Variants in TMEM114 observed in about 807,000 individuals in gnomAD.
TMEM114 encodes the protein claudin-26.
In TMEM114, 6 loss-of-function variants were observed where a neutral mutation model predicts 6.2. The observed-to-expected ratio is 0.97, with a 90% CI of 0.53 to 1.91. The LOEUF (loss-of-function observed/expected upper bound fraction) is 1.91. TMEM114 is among the 40% of genes most tolerant of loss of function. The pLI, the probability that TMEM114 is intolerant of heterozygous loss-of-function variation, is 0.01. For missense variants in TMEM114, 218 were observed against 158.3 expected, an observed-to-expected ratio of 1.38 and a Z score of -2.02; for synonymous variants, 104 against 73.0, an observed-to-expected ratio of 1.42 and a Z score of -2.16.
intron 2 of TMEM114, among the ~76,000 whole-genome samples, chr16:8,559,634 C>G (rs1901135348): frequency 2.0e-5 from 3 of 152,174 alleles, no homozygotes; most frequent in Admixed American, 2.0e-4. Flanking sequence ...GCTCTGAGTA[C>G]TCTGTTAAAA....
At chr16:8,548,693 T>A (rs565190780) in intron 2 of TMEM114, among the ~76,000 whole-genome samples, 5 of 129,674 alleles carry the variant, frequency 3.9e-5, no homozygotes, top group Middle Eastern at 8.3e-3. Flanking sequence ...AAAATTGCCA[T>A]GTATATATAT....
intron 2 of TMEM114, among the ~76,000 whole-genome samples, chr16:8,562,705 T>A (rs1214696612): frequency 1.4e-5 from 2 of 147,888 alleles, no homozygotes; most frequent in Non-Finnish European, 3.0e-5. Context: ...AGTGAGTGAG[T>A]AAATGAGTGA....
intron 2 of TMEM114, among the ~76,000 whole-genome samples, chr16:8,543,572 C>A (rs1347802613): frequency 6.6e-6 from 1 of 152,140 alleles, no homozygotes; most frequent in African/African-American, 2.4e-5. Flanking sequence ...ATCTGGCCAA[C>A]CCAACTCATT....
downstream of TMEM114, among the ~76,000 whole-genome samples, chr16:8,535,000 C>T (rs1488052826): frequency 2.0e-5 from 3 of 152,192 alleles, no homozygotes; most frequent in Non-Finnish European, 4.4e-5. Context: ...GACTGACTTT[C>T]TCCTAACGTC....
chr16:8,563,684 A>C (rs963081843), intron 2 of TMEM114, among the ~76,000 whole-genome samples: 3 of 150,698 alleles, frequency 2.0e-5, no homozygotes, highest in East Asian at 1.9e-4. Flanking sequence ...TGAATGAGTA[A>C]GTGAATGAGT....
chr16:8,564,180 AGT>A (rs1219030955), intron 2 of TMEM114, among the ~76,000 whole-genome samples: 1 of 151,466 alleles, frequency 6.6e-6, no homozygotes, highest in Admixed American at 6.6e-5. Flanking sequence ...TAAATGAGTG[AGT>A]GAGTGCATGA....
chr16:8,564,557 G>GTGAA (rs1235801258), downstream of TMEM114, among the ~76,000 whole-genome samples: 79 of 138,280 alleles, frequency 5.7e-4, 13 homozygotes, highest in African/African-American at 1.9e-3. Flanking sequence ...CAGGGAATGA[G>GTGAA]TGAGTGAGTG....
chr16:8,526,926 G>T, the TMEM114 span, among the ~76,000 whole-genome samples: 1 of 152,198 alleles, frequency 6.6e-6, no homozygotes. Context: ...ATGCTGAGTA[G>T]GTGGGGCACG....
At chr16:8,553,227 A>C (rs908675489) in intron 2 of TMEM114, among the ~76,000 whole-genome samples, 3 of 152,232 alleles carry the variant, frequency 2.0e-5, no homozygotes, top group Admixed American at 1.3e-4. Context: ...TTTCCAGACC[A>C]AGAATCAAGA....
At chr16:8,568,858 T>C (rs749661826), downstream of TMEM114, among the ~76,000 whole-genome samples, 7 of 152,214 alleles carry the variant, frequency 4.6e-5, no homozygotes, top group Non-Finnish European at 8.8e-5. Flanking sequence ...GCAGGATTTT[T>C]GGAAGATACC....
intron 2 of TMEM114, among the ~76,000 whole-genome samples, chr16:8,557,776 T>A (rs1420750304): frequency 6.6e-6 from 1 of 152,218 alleles, no homozygotes; most frequent in Non-Finnish European, 1.5e-5. Flanking sequence ...GTGGGAAGAC[T>A]GAAGAAGATA....
chr16:8,530,492 G>C, the TMEM114 span, among the ~76,000 whole-genome samples: 4 of 152,176 alleles, frequency 2.6e-5, no homozygotes, highest in Admixed American at 6.5e-5. Flanking sequence ...AGCTAATGTA[G>C]CCAATGGAAA....
At chr16:8,562,644 G>C (rs111218232) in intron 2 of TMEM114, among the ~76,000 whole-genome samples, 11,935 of 147,954 alleles carry the variant, frequency 0.081, 761 homozygotes, top group Middle Eastern at 0.16. Flanking sequence ...CAGTCAGTAA[G>C]TGAATGAATG....
intron 2 of TMEM114, among the ~76,000 whole-genome samples, chr16:8,563,944 A>G (rs996410277): frequency 1.4e-5 from 2 of 144,612 alleles, no homozygotes; most frequent in Admixed American, 6.8e-5. Context: ...TGAACGAGTA[A>G]GTAAATGAGT....
At chr16:8,527,314 A>G in the TMEM114 span, among the ~76,000 whole-genome samples, 1 of 152,182 alleles carries the variant, frequency 6.6e-6, no homozygotes, top group Admixed American at 6.5e-5. Flanking sequence ...GGGAAGGGAG[A>G]CAGCAGGGGA....
chr16:8,561,013 C>T (rs576096773), intron 2 of TMEM114, among the ~76,000 whole-genome samples: 20 of 152,300 alleles, frequency 1.3e-4, no homozygotes, highest in African/African-American at 4.8e-4. Context: ...AGAGGGAAAC[C>T]TCTTAAAAAC....
intron 2 of TMEM114, among the ~76,000 whole-genome samples, chr16:8,539,159 A>G (rs897144108): frequency 1.9e-4 from 29 of 152,292 alleles, no homozygotes; most frequent in African/African-American, 7.0e-4. Flanking sequence ...CATGTGACCC[A>G]TATGAATAAC....
downstream of TMEM114, among the ~76,000 whole-genome samples, chr16:8,565,072 AGT>A (rs1329778981): frequency 6.6e-6 from 1 of 152,208 alleles, no homozygotes; most frequent in Admixed American, 6.5e-5. Flanking sequence ...TGAATGAGTG[AGT>A]GAGTGAATGA....
intron 2 of TMEM114, among the ~76,000 whole-genome samples, chr16:8,562,042 G>A (rs1008138824): frequency 1.3e-5 from 2 of 150,716 alleles, no homozygotes; most frequent in Admixed American, 1.3e-4. Context: ...GTGAGTAAAT[G>A]AGTGAGTGAG....
Sources: allele counts gnomAD v4.1 joint callset (sites outside exome capture counted in the v4.1 genomes callset), GRCh38; gene constraint gnomAD v4.1.1; transcripts MANE v1.5; gene names NCBI Gene and HGNC (gene_info 2026-07-23, HGNC 2026-07-21).